Variants in DDR2 observed in about 807,000 individuals in gnomAD.
DDR2 encodes discoidin domain-containing receptor 2.
A neutral mutation model predicts 94.9 loss-of-function variants in DDR2; 27 were observed. The ratio of observed to expected loss-of-function variants is 0.28; its 90% CI spans 0.21 to 0.39. The LOEUF is 0.39. Ranked by LOEUF, DDR2 falls within the 10% of genes least tolerant of loss-of-function variation. The pLI, the probability that DDR2 is intolerant of heterozygous loss-of-function variation, is 1.00. For missense variants in DDR2, 783 were observed against 1,076.0 expected (o/e 0.73, Z 3.81); for synonymous variants, 382 against 377.2 (o/e 1.01, Z -0.15).
chr1:162,726,253 A>G (rs1415478830), intron 3 of DDR2, among the ~76,000 whole-genome samples: 2 of 152,158 alleles, frequency 1.3e-5, no homozygotes, highest in Admixed American at 6.5e-5. Flanking sequence ...ATTATTCTAT[A>G]CTGTCCTTTA....
At chr1:162,762,437 T>G (rs564587905) in intron 9 of DDR2, among the ~76,000 whole-genome samples, 39 of 152,360 alleles carry the variant, frequency 2.6e-4, no homozygotes, top group African/African-American at 9.4e-4. Flanking sequence ...TCCTCTCACT[T>G]TTTGTGATAC....
intron 3 of DDR2, among the ~76,000 whole-genome samples, chr1:162,720,095 C>A (rs1322955212): frequency 6.6e-6 from 1 of 151,170 alleles, no homozygotes; most frequent in East Asian, 1.9e-4. Flanking sequence ...TGGGAGAGCA[C>A]AAAAAATTAG....
intron 2 of DDR2, among the ~76,000 whole-genome samples, chr1:162,702,479 G>A (rs1660475023): frequency 1.3e-5 from 2 of 152,172 alleles, no homozygotes. Context: ...CTAGATTCAT[G>A]TGTGCGACTC....
At chr1:162,683,817 T>C (rs1659531183) in intron 2 of DDR2, among the ~76,000 whole-genome samples, 2 of 152,062 alleles carry the variant, frequency 1.3e-5, no homozygotes, top group African/African-American at 4.8e-5. Context: ...CCCAAATCAA[T>C]ATATACATTT....
chr1:162,715,937 A>G (rs1661149073), intron 2 of DDR2, among the ~76,000 whole-genome samples: 1 of 152,192 alleles, frequency 6.6e-6, no homozygotes, highest in Non-Finnish European at 1.5e-5. Flanking sequence ...AACAGTTTCA[A>G]AAAGTAAATT....
chr1:162,656,409 C>T (rs1163429312), intron 2 of DDR2, among the ~76,000 whole-genome samples: 9 of 152,108 alleles, frequency 5.9e-5, no homozygotes, highest in Admixed American at 2.6e-4. Context: ...TTCTCCCTGT[C>T]AAGATGCTTT....
At chr1:162,770,738 A>T in intron 12 of DDR2, 1 of 648,220 alleles carries the variant, frequency 1.5e-6, no homozygotes, top group South Asian at 1.6e-5. Flanking sequence ...CACATACCAG[A>T]AAAGAAAGAA....
At position 162,783,034 on chromosome 1, in the gene DDR2, G is replaced by T. The variant is rs944799869; in HGVS notation, c.*2788G>T. 2.6e-5 allele frequency: 4 copies of T among 152,102 alleles called. No individual in the cohort carries two copies. Among genetic ancestry groups the T allele is most frequent in the Non-Finnish European group, 4.4e-5 (3 of 68,016 alleles). The allele number at this position is 152,102 out of a possible 1,614,324, so 9.4% of individuals were successfully genotyped here. Reference sequence around the variant, plus strand: ...GCCTAGTATGTAGAATTTGAAAGTAGTTCAAATTTGAATTAGAAGAATGAA... The same window carrying T: ...GCCTAGTATGTAGAATTTGAAAGTATTTCAAATTTGAATTAGAAGAATGAA... On this transcript the variant is annotated 3_prime_UTR_variant, in exon 18 of 18. Transcript: ENST00000367921.
rs192905243 is a variant in DDR2 at position 162,744,767 on chromosome 1, G to A, written c.83-8328G>A. Among the ~76,000 whole-genome samples, 33 of 151,798 alleles carry A rather than the reference G, an allele frequency of 2.2e-4. 1 individual carries two copies. The highest frequency in any genetic ancestry group is 2.0e-3 in the Admixed American group (30 of 15,230). On this transcript the variant is annotated intron_variant, in intron 3 of 17. Coordinates refer to ENST00000367921, the MANE Select transcript of DDR2 (RefSeq NM_006182.4). The stretch of plus-strand genomic sequence containing the variant: ...TACTTATCTGCTGATAGTCATTTGT[G>A]TTGTTTCCATGTCTTGGCTTTTGTG...
At chr1:162,713,549 A>G (rs1480777047) in intron 2 of DDR2, among the ~76,000 whole-genome samples, 2 of 152,170 alleles carry the variant, frequency 1.3e-5, no homozygotes, top group African/African-American at 2.4e-5. Flanking sequence ...GATCTTATAT[A>G]TATATAAATG....
chr1:162,719,304 A>G, intron 3 of DDR2, 159 bp downstream of exon 3: 1 of 810,540 alleles, frequency 1.2e-6, no homozygotes. Context: ...AGAAAAATGA[A>G]TATACTTTAT....
chr1:162,774,913 C>G (rs970559086), intron 14 of DDR2, among the ~76,000 whole-genome samples: 1 of 152,104 alleles, frequency 6.6e-6, no homozygotes, highest in African/African-American at 2.4e-5. Context: ...CTAGCAAACT[C>G]TTGGAGGGCT....
At chr1:162,775,924 A>G in intron 15 of DDR2, 81 bp downstream of exon 15, 6 of 1,565,090 alleles carry the variant, frequency 3.8e-6, no homozygotes, top group Non-Finnish European at 5.3e-6. Context: ...AGTGAGCCTT[A>G]AAGTGTATCA....
rs2102133020 is a variant in DDR2, at chr1:162,754,690, G to T, written c.252G>T (p.Lys84Asn). Residue 84 changes from lysine (K) to asparagine (N), a missense_variant, in exon 5 of 18, where the codon AAG (lysine) becomes AAT (asparagine). This residue lies in a region of DDR2 where 519 missense variants were observed against 647.9 expected (regional missense o/e 0.80). Coordinates refer to ENST00000367921, the MANE Select transcript of DDR2 (RefSeq NM_006182.4). ...TTCCAGTGGAACCTGATGACCTGAA[G>T]GAGTTTCTGCAGATTGACTTGCACA... Reference protein sequence around the residue: ...PEIPVEPDDLKEFLQIDLHTL... With the variant: ...PEIPVEPDDLNEFLQIDLHTL... 6.2e-7 allele frequency: 1 copy of T among 1,614,134 alleles called. No individual in the cohort carries two copies. Among genetic ancestry groups the T allele is most frequent in the Non-Finnish European group, 8.5e-7 (1 of 1,180,030 alleles).
intron 1 of DDR2, among the ~76,000 whole-genome samples, chr1:162,641,547 A>C (rs1657127241): frequency 6.6e-6 from 1 of 152,248 alleles, no homozygotes; most frequent in Non-Finnish European, 1.5e-5. Flanking sequence ...GCATTAACCC[A>C]TAAGTGAGTA....
chr1:162,706,694 C>T (rs933742192), intron 2 of DDR2, among the ~76,000 whole-genome samples: 9 of 152,170 alleles, frequency 5.9e-5, no homozygotes, highest in African/African-American at 1.9e-4. Flanking sequence ...TGGAGAGGAG[C>T]GGGCCTGGTA....
At chr1:162,674,298 C>G (rs914139728) in intron 2 of DDR2, among the ~76,000 whole-genome samples, 1 of 152,144 alleles carries the variant, frequency 6.6e-6, no homozygotes, top group African/African-American at 2.4e-5. Flanking sequence ...TTCCCTCTCC[C>G]TCAATTCAGG....
intron 1 of DDR2, among the ~76,000 whole-genome samples, chr1:162,636,938 T>C (rs4656375): frequency 0.51 from 77,995 of 151,940 alleles, 22,017 homozygotes; most frequent in Middle Eastern, 0.66. Context: ...TGAACTCTCA[T>C]GTCTAAGATA....
At chr1:162,715,768 T>G (rs2102023150) in intron 2 of DDR2, among the ~76,000 whole-genome samples, 1 of 152,366 alleles carries the variant, frequency 6.6e-6, no homozygotes, top group Admixed American at 6.5e-5. Context: ...CTGTGAATAT[T>G]GTAAGAGATG....
Sources: gnomAD v4.1 joint callset for allele counts (sites outside exome capture counted in the v4.1 genomes callset) on GRCh38, gnomAD v4.1.1 for gene constraint, gnomAD v4.1.1 regional missense constraint, MANE v1.5 for transcripts, NCBI Gene and HGNC (gene_info 2026-07-23, HGNC 2026-07-21) for gene names.